Variants in NUMB observed in about 807,000 individuals in gnomAD.
The protein encoded by NUMB is NUMB endocytic adaptor protein.
In NUMB, 29 loss-of-function variants were observed where a neutral mutation model predicts 59.7. That is an observed-to-expected ratio of 0.49 (90% CI 0.36 to 0.66). The LOEUF is 0.66. Among genes scored for constraint, NUMB ranks in the 30% least tolerant of loss-of-function variants. The pLI is 0.00. For missense variants in NUMB, 723 were observed against 822.0 expected, an observed-to-expected ratio of 0.88 and a Z score of 1.47; for synonymous variants, 288 against 288.2, an observed-to-expected ratio of 1.00 and a Z score of 0.01.
rs953754531 is a variant in NUMB, at chr14:73,299,574, C to T, written c.235-2289G>A. Among the ~76,000 whole-genome samples, 386 of 89,330 alleles carry T rather than the reference C, an allele frequency of 4.3e-3. 4 individuals carry two copies. The highest frequency in any genetic ancestry group is 0.022 in the African/African-American group (362 of 16,656). The allele number at this position is 89,330 out of a possible 152,430, so 58.6% of individuals were successfully genotyped here. On this transcript the variant is annotated intron_variant, in intron 6 of 12. Transcript: ENST00000555238. ...TGTATCATATATGTCATATATATGA[C>T]ATGACATATGTCATGTCATATATAT...
chr14:73,278,733 T>A (rs1359879417), intron 12 of NUMB, among the ~76,000 whole-genome samples: 1 of 117,078 alleles, frequency 8.5e-6, no homozygotes, highest in African/African-American at 3.1e-5. Context: ...TTTTTTTTTT[T>A]TTTTTTTTTT....
At chr14:73,456,197 C>T (rs1884359572) in intron 1 of NUMB, among the ~76,000 whole-genome samples, 1 of 151,948 alleles carries the variant, frequency 6.6e-6, no homozygotes, top group Admixed American at 6.6e-5. Flanking sequence ...GCAACCTCCA[C>T]CTCCGGGGTT....
At chr14:73,323,045 TG>T in intron 5 of NUMB, 84 bp downstream of exon 5, 1 of 977,446 alleles carries the variant, frequency 1.0e-6, no homozygotes, top group Non-Finnish European at 1.6e-6. Flanking sequence ...CAGTTTTTAC[TG>T]GGTCACTAAA....
chr14:73,302,969 C>CT (rs2139862784), intron 6 of NUMB, among the ~76,000 whole-genome samples: 1 of 152,198 alleles, frequency 6.6e-6, no homozygotes, highest in African/African-American at 2.4e-5. Context: ...AATCCCAGCA[C>CT]TTTGGGAGGA....
rs368296479 is a variant in NUMB at position 73,279,353 on chromosome 14, G to C, written c.1168C>G (p.Pro390Ala). The C allele has an allele frequency of 6.2e-7, 1 of 1,613,198 alleles. No homozygotes were observed. Among genetic ancestry groups the C allele is most frequent in the African/African-American group, 1.3e-5 (1 of 74,924 alleles). The change falls in exon 12 of 13, where the codon CCT becomes GCT. Residue 390 changes from proline to alanine, a missense_variant. Pro to Ala is a conservative substitution (Grantham distance 27, BLOSUM62 -1). Transcript: ENST00000555238. ...AHTALAPVAM[P>A]VRETNPWAHA... ...GCCCAAGGGTTGGTTTCACGCACAGGCATTGCTACGGGTGCTAGAGCAGTA... is the reference window on the plus strand; with the variant it reads ...GCCCAAGGGTTGGTTTCACGCACAGCCATTGCTACGGGTGCTAGAGCAGTA...
chr14:73,300,645 C>T (rs1187919110), intron 6 of NUMB, among the ~76,000 whole-genome samples: 4 of 152,098 alleles, frequency 2.6e-5, no homozygotes, highest in Non-Finnish European at 5.9e-5. Context: ...ATCTCATATA[C>T]CTCATAGGGT....
intron 11 of NUMB, among the ~76,000 whole-genome samples, chr14:73,279,672 G>A (rs908552099): frequency 1.3e-5 from 2 of 152,214 alleles, no homozygotes; most frequent in African/African-American, 4.8e-5. Context: ...GAAAATATGT[G>A]CATGGGGAGT....
intron 6 of NUMB, chr14:73,298,886 C>T (rs906518878): frequency 6.6e-6 from 1 of 152,042 alleles, no homozygotes; most frequent in Non-Finnish European, 1.5e-5. Context: ...TGAAAGGCAA[C>T]AATCAGACAA....
chr14:73,284,672 T>G (rs1888862822), intron 9 of NUMB: 2 of 243,146 alleles, frequency 8.2e-6, no homozygotes, highest in South Asian at 1.5e-4. Context: ...TCCTATGAAT[T>G]CCTAATATGT....
At chr14:73,368,764 A>T (rs2140050471) in intron 2 of NUMB, among the ~76,000 whole-genome samples, 1 of 152,322 alleles carries the variant, frequency 6.6e-6, no homozygotes, top group African/African-American at 2.4e-5. Context: ...AAAAGCCTGT[A>T]TGACAAAATA....
At position 73,283,081 on chromosome 14, in the gene NUMB, C is replaced by T. The variant is rs143881170; in HGVS notation, c.950-576G>A. On this transcript the variant is annotated intron_variant, in intron 10 of 12. Transcript: ENST00000555238. ...TGAAAAAGTGAGCAGAGGTGTAGGA[C>T]GCTAGGGCCTTTATTCTTAATACTG... Among the ~76,000 whole-genome samples, 20 of 152,246 alleles carry T rather than the reference C, an allele frequency of 1.3e-4. No individual in the cohort carries two copies. The East Asian group carries it at 2.7e-3, about 21-fold the overall frequency.
chr14:73,352,526 A>T (rs1416287615), intron 4 of NUMB, among the ~76,000 whole-genome samples: 222 of 13,956 alleles, frequency 0.016, 25 homozygotes, highest in Non-Finnish European at 0.024. Context: ...ATATATATAT[A>T]TATGTTTTTT....
At chr14:73,415,023 G>A (rs951041621) in intron 1 of NUMB, among the ~76,000 whole-genome samples, 20 of 152,080 alleles carry the variant, frequency 1.3e-4, no homozygotes, top group African/African-American at 4.6e-4. Context: ...AGCTGATAAT[G>A]ATGTTTTAAA....
rs749037392 is a variant in NUMB, at chr14:73,348,478, G to A, written c.126+7148C>T. Among the ~76,000 whole-genome samples the A allele has an allele frequency of 3.9e-5, 6 of 152,322 alleles. No individual in the cohort carries two copies. In the East Asian group the frequency reaches 9.6e-4, roughly 24 times the overall value. The stretch of plus-strand genomic sequence containing the variant: ...ATGGGCCACACAGCAGGAGGTGAGC[G>A]GAGGGCGAGCAAGCATTACTGCCTG... On this transcript the variant is annotated intron_variant, in intron 4 of 12. Transcript: ENST00000555238.
At chr14:73,372,721 A>G (rs1894772031) in intron 2 of NUMB, among the ~76,000 whole-genome samples, 1 of 152,026 alleles carries the variant, frequency 6.6e-6, no homozygotes, top group African/African-American at 2.4e-5. Flanking sequence ...TCATACCACT[A>G]CAAAAGAAAA....
At chr14:73,368,587 A>G (rs1465733181) in intron 2 of NUMB, among the ~76,000 whole-genome samples, 1 of 152,116 alleles carries the variant, frequency 6.6e-6, no homozygotes, top group Non-Finnish European at 1.5e-5. Flanking sequence ...CCGTCTCCAA[A>G]AAAAAACAAA....
intron 2 of NUMB, among the ~76,000 whole-genome samples, chr14:73,407,496 T>C (rs1485947694): frequency 6.6e-6 from 1 of 152,202 alleles, no homozygotes; most frequent in Admixed American, 6.5e-5. Flanking sequence ...TGAACTAAAA[T>C]ATATTGTTTC....
chr14:73,391,761 G>GA (rs1284536371), intron 2 of NUMB, among the ~76,000 whole-genome samples: 4 of 152,190 alleles, frequency 2.6e-5, no homozygotes, highest in Non-Finnish European at 5.9e-5. Flanking sequence ...GCAATCAAGT[G>GA]ATACCAACAG....
rs547390337 is a variant in NUMB at position 73,398,146 on chromosome 14, T to C, written c.-101+11791A>G. The stretch of plus-strand genomic sequence containing the variant: ...TAGCTTTGCCACATAAAAATGTAGG[T>C]CTGATTAACAGTTCACCAAATTGTT... On this transcript the variant is annotated intron_variant, in intron 2 of 12. Coordinates refer to ENST00000555238, the MANE Select transcript of NUMB (RefSeq NM_001005743.2). Among the ~76,000 whole-genome samples, 5 of 152,210 alleles carry C rather than the reference T, an allele frequency of 3.3e-5. No individual in the cohort carries two copies. In the South Asian group the frequency reaches 1.0e-3, roughly 32 times the overall value.
Sources: gnomAD v4.1 joint callset for allele counts (sites outside exome capture counted in the v4.1 genomes callset) on GRCh38, gnomAD v4.1.1 for gene constraint, MANE v1.5 for transcripts, NCBI Gene and HGNC (gene_info 2026-07-23, HGNC 2026-07-21) for gene names.